Variants in GALNT9 observed in about 807,000 individuals in gnomAD.
GALNT9 encodes the protein polypeptide N-acetylgalactosaminyltransferase 9, also known as GalNAc transferase 9.
A neutral mutation model predicts 63.1 loss-of-function variants in GALNT9; 47 were observed. The ratio of observed to expected loss-of-function variants is 0.75; its 90% CI spans 0.59 to 0.95. GALNT9 has a LOEUF of 0.95. GALNT9 is among the 40% of genes least tolerant of loss of function. The pLI, the probability that GALNT9 is intolerant of heterozygous loss-of-function variation, is 0.00. For missense variants in GALNT9, 829 were observed against 874.8 expected (o/e 0.95, Z 0.66); for synonymous variants, 396 against 365.7 (o/e 1.08, Z -0.94).
At position 132,247,934 on chromosome 12, in the gene GALNT9, G is replaced by A. The variant is rs1555238221; in HGVS notation, c.1053C>T (p.Gly351=). Residue 351 remains glycine (G), a synonymous_variant, in exon 6 of 11, where the codon GGC becomes GGT. Coordinates refer to ENST00000328957, the MANE Select transcript of GALNT9 (RefSeq NM_001122636.2). ...LLDPGMEVYG[G]ENVELGMRVW... ...CCCTCATGCCCAGTTCTACGTTCTCGCCGCCATACACCTCCATGCCGGGGT... is the reference window on the plus strand; with the variant it reads ...CCCTCATGCCCAGTTCTACGTTCTCACCGCCATACACCTCCATGCCGGGGT... The A allele has an allele frequency of 8.4e-6, 13 of 1,551,456 alleles. No individual in the cohort carries two copies. Among genetic ancestry groups the A allele is most frequent in the East Asian group, 4.9e-5 (2 of 40,922 alleles).
At position 132,197,173 on chromosome 12, in the gene GALNT9, C is replaced by T. The variant is rs767599495; in HGVS notation, c.1746G>A (p.Leu582=). The change falls in exon 11 of 11, where the codon CTG becomes CTA. Residue 582 remains leucine, a synonymous_variant. Coordinates refer to ENST00000328957, the MANE Select transcript of GALNT9 (RefSeq NM_001122636.2). ...MSKDANFGLR[L]VVQRCSGQKW... The stretch of plus-strand genomic sequence containing the variant: ...TCTGCCCCGAGCACCTCTGTACCAC[C>T]AGCCGGAGCCCAAAGTTGGCATCTT... 4 of 1,614,172 alleles carry T rather than the reference C, an allele frequency of 2.5e-6. No homozygotes were observed. Among genetic ancestry groups the T allele is most frequent in the East Asian group, 4.5e-5 (2 of 44,884 alleles).
At position 132,279,172 on chromosome 12, in the gene GALNT9, C is replaced by T. The variant is rs1002281421; in HGVS notation, c.419+7078G>A. On this transcript the variant is annotated intron_variant, in intron 2 of 10. Coordinates refer to ENST00000328957, the MANE Select transcript of GALNT9 (RefSeq NM_001122636.2). The surrounding 1 kb of genome is among the most constrained non-coding windows in gnomAD (Gnocchi z 4.1). ...CCCAGCTGCTCTGCTCCCCAGCTCC[C>T]TACAACGCGGATTTATTCTTATTTC... is the stretch of plus-strand genomic sequence containing the variant. 6.6e-6 allele frequency: 1 copy of T among 152,276 alleles called. No individual in the cohort carries two copies. The highest frequency in any genetic ancestry group is 1.9e-4 in the East Asian group (1 of 5,192). 9.4% of individuals were successfully genotyped at this position (152,276 alleles called of 1,614,324 possible).
At position 132,308,912 on chromosome 12, in the gene GALNT9, C is replaced by T. The variant is rs116256958; in HGVS notation, c.238+20054G>A. Among the ~76,000 whole-genome samples, 1,032 of 151,526 alleles carry T rather than the reference C, an allele frequency of 6.8e-3. 6 individuals carry two copies. Among genetic ancestry groups the T allele is most frequent in the African/African-American group, 0.024 (980 of 41,502 alleles). ...GCACTCACGCCTCACCCACGGGGCT[C>T]GGGATGGCCGCACTGTGACTTCCGT... On this transcript the variant is annotated intron_variant, in intron 1 of 10. Transcript: ENST00000328957.
At chr12:132,209,311 A>C (rs1338707926) in intron 6 of GALNT9, among the ~76,000 whole-genome samples, 1 of 152,108 alleles carries the variant, frequency 6.6e-6, no homozygotes, top group African/African-American at 2.4e-5. Context: ...TGGATCATGA[A>C]GTCAAGAGAT....
chr12:132,203,439 G>C, intron 7 of GALNT9, 66 bp downstream of exon 7: 1 of 1,529,226 alleles, frequency 6.5e-7, no homozygotes, highest in Non-Finnish European at 9.0e-7. Flanking sequence ...CTCCGGCCCA[G>C]CCCTGCCGTG....
At chr12:132,259,613 T>C (rs1555239514) in intron 4 of GALNT9, among the ~76,000 whole-genome samples, 2 of 152,124 alleles carry the variant, frequency 1.3e-5, no homozygotes, top group Non-Finnish European at 2.9e-5. Context: ...AAGTCCCCAC[T>C]TGAACCCACT....
At chr12:132,283,328 A>C (rs1372051272) in intron 2 of GALNT9, 1 of 152,334 alleles carries the variant, frequency 6.6e-6, no homozygotes, top group Admixed American at 6.5e-5. Context: ...CACGGCTGGA[A>C]GCCTCCCAGG....
intron 7 of GALNT9, 156 bp from the exon 8 acceptor site, chr12:132,201,417 C>T: frequency 4.1e-6 from 1 of 246,048 alleles, no homozygotes; most frequent in Admixed American, 6.1e-5. Flanking sequence ...GTTGGGACCC[C>T]CCAGCCTCCT....
At chr12:132,198,170 G>A (rs748415095) in intron 9 of GALNT9, among the ~76,000 whole-genome samples, 5 of 152,236 alleles carry the variant, frequency 3.3e-5, no homozygotes, top group East Asian at 1.9e-4. Flanking sequence ...CAAATGCTCC[G>A]CAGGGCCAGG....
intron 1 of GALNT9, among the ~76,000 whole-genome samples, chr12:132,309,304 T>G (rs1555244941): frequency 6.6e-6 from 1 of 152,170 alleles, no homozygotes; most frequent in African/African-American, 2.4e-5. Context: ...CACGGCTGAC[T>G]GGCCCCACCC....
chr12:132,201,015 C>T (rs1250217508), intron 8 of GALNT9, 109 bp downstream of exon 8: 6 of 1,114,910 alleles, frequency 5.4e-6, no homozygotes, highest in Non-Finnish European at 6.5e-6. Flanking sequence ...GGAGGCGCTA[C>T]CTCTCCGTGT....
chr12:132,254,179 G>A (rs1412098210), intron 5 of GALNT9, among the ~76,000 whole-genome samples: 4 of 151,708 alleles, frequency 2.6e-5, no homozygotes, highest in Non-Finnish European at 4.4e-5. Context: ...CTGACACCAC[G>A]CCCTGCGAAT....
At chr12:132,320,539 C>T (rs558388596) in intron 1 of GALNT9, among the ~76,000 whole-genome samples, 45 of 88,410 alleles carry the variant, frequency 5.1e-4, no homozygotes, top group Admixed American at 4.6e-4. Context: ...AAACATGTAT[C>T]GTTTTACTAG....
rs370909149 is a variant in GALNT9, at chr12:132,328,421, C to T, written c.238+545G>A. 7.2e-5 allele frequency among the ~76,000 whole-genome samples: 11 copies of T among 152,192 alleles called. No individual in the cohort carries two copies. In the East Asian group the frequency reaches 1.5e-3, roughly 21 times the overall value. Reference sequence around the variant, plus strand: ...CTTCTCCCATAACAACTTTCTAACGCGGCCTCGGGCACCCCCAGGACAGGG... The same window carrying T: ...CTTCTCCCATAACAACTTTCTAACGTGGCCTCGGGCACCCCCAGGACAGGG... On this transcript the variant is annotated intron_variant, in intron 1 of 10. Transcript: ENST00000328957.
chr12:132,285,521 G>A (rs1159304669), intron 2 of GALNT9, among the ~76,000 whole-genome samples: 1 of 152,260 alleles, frequency 6.6e-6, no homozygotes, highest in African/African-American at 2.4e-5. Flanking sequence ...GGCGGCCAGG[G>A]CCCGGCTCCT....
At chr12:132,210,926 G>A (rs946593619) in intron 6 of GALNT9, among the ~76,000 whole-genome samples, 7 of 151,930 alleles carry the variant, frequency 4.6e-5, no homozygotes, top group Non-Finnish European at 7.4e-5. Context: ...GTCGGCTGCC[G>A]GCCTGACTCA....
At chr12:132,292,640 G>A (rs1450125388) in intron 1 of GALNT9, among the ~76,000 whole-genome samples, 2 of 152,170 alleles carry the variant, frequency 1.3e-5, no homozygotes, top group Admixed American at 6.5e-5. Flanking sequence ...GGAAAGTCTC[G>A]AGGCCCCACT....
intron 6 of GALNT9, among the ~76,000 whole-genome samples, chr12:132,226,245 A>G (rs1877682861): frequency 6.9e-6 from 1 of 145,970 alleles, no homozygotes; most frequent in Non-Finnish European, 1.5e-5. Context: ...CACAACATAT[A>G]CACACACCCC....
At chr12:132,304,157 G>A (rs868967028) in intron 1 of GALNT9, among the ~76,000 whole-genome samples, 14 of 11,554 alleles carry the variant, frequency 1.2e-3, no homozygotes, top group South Asian at 7.6e-3. Flanking sequence ...GCCCGGACAC[G>A]CCCTCACCGG....
Sources: allele counts gnomAD v4.1 joint callset (sites outside exome capture counted in the v4.1 genomes callset), GRCh38; gene constraint gnomAD v4.1.1; non-coding constraint Gnocchi (gnomAD v3.1); transcripts MANE v1.5; gene names NCBI Gene and HGNC (gene_info 2026-07-23, HGNC 2026-07-21).